Variants in CD2AP observed in about 807,000 individuals in gnomAD.
CD2AP encodes the protein CD2-associated protein.
In CD2AP, 46 loss-of-function variants were observed where a neutral mutation model predicts 85.1. That is an observed-to-expected ratio of 0.54 (90% CI 0.43 to 0.69). The LOEUF is 0.69. CD2AP is among the 30% of genes least tolerant of loss of function. The pLI is 0.00. For synonymous variants in CD2AP, 255 were observed against 252.9 expected (o/e 1.01, Z -0.08); for missense variants, 769 against 729.5 (o/e 1.05, Z -0.62).
chr6:47,584,822 CCTACCTGAAAAA>C (rs1407278520), intron 11 of CD2AP, among the ~76,000 whole-genome samples: 1 of 152,014 alleles, frequency 6.6e-6, no homozygotes, highest in Non-Finnish European at 1.5e-5. Flanking sequence ...TAATATCTGT[CCTACCTGAAAAA>C]CTCAGCTTAC....
At chr6:47,486,243 T>G (rs996994636) in intron 1 of CD2AP, among the ~76,000 whole-genome samples, 14 of 152,204 alleles carry the variant, frequency 9.2e-5, no homozygotes, top group African/African-American at 2.9e-4. Context: ...ATTGGGCATA[T>G]TATTAGAATC....
At chr6:47,545,166 A>T (rs934973523) in intron 4 of CD2AP, 2 of 171,208 alleles carry the variant, frequency 1.2e-5, no homozygotes, top group African/African-American at 4.8e-5. Flanking sequence ...AGGAGGCAGG[A>T]CTAGACTGCA....
chr6:47,537,438 C>T (rs7753305), intron 3 of CD2AP, among the ~76,000 whole-genome samples: 19 of 151,814 alleles, frequency 1.3e-4, no homozygotes, highest in Non-Finnish European at 2.4e-4. Flanking sequence ...ACAGGGTAGG[C>T]TGTTCTAACT....
intron 4 of CD2AP, among the ~76,000 whole-genome samples, chr6:47,550,963 G>A (rs1427097834): frequency 2.0e-5 from 3 of 152,276 alleles, no homozygotes; most frequent in African/African-American, 4.8e-5. Context: ...GTTCTCACTT[G>A]TAAGTGGGAG....
chr6:47,620,032 G>A (rs946338911), intron 17 of CD2AP, among the ~76,000 whole-genome samples: 3 of 152,174 alleles, frequency 2.0e-5, no homozygotes, highest in African/African-American at 7.2e-5. Flanking sequence ...TTACTCTGTT[G>A]ACTGTTCCAT....
At chr6:47,624,069 G>C (rs755315195) in intron 17 of CD2AP, 117 bp from the exon 18 acceptor site, 2 of 830,996 alleles carry the variant, frequency 2.4e-6, no homozygotes, top group African/African-American at 1.7e-5. Context: ...TGGATTTTAG[G>C]TCTGGAAAAA....
At chr6:47,611,339 A>T (rs1156765656) in intron 16 of CD2AP, among the ~76,000 whole-genome samples, 1 of 150,424 alleles carries the variant, frequency 6.6e-6, no homozygotes, top group African/African-American at 2.4e-5. Flanking sequence ...TAGAACAACA[A>T]ATAAATAATA....
chr6:47,525,614 T>G (rs1766700540), intron 2 of CD2AP, among the ~76,000 whole-genome samples: 1 of 152,180 alleles, frequency 6.6e-6, no homozygotes, highest in African/African-American at 2.4e-5. Flanking sequence ...TTTGTGAATT[T>G]TGTTGATTAT....
chr6:47,481,801 C>A (rs183052931), intron 1 of CD2AP, among the ~76,000 whole-genome samples: 4 of 152,244 alleles, frequency 2.6e-5, no homozygotes, highest in African/African-American at 9.6e-5. Context: ...TTTTTAGAGA[C>A]AAGGTCTTGC....
At chr6:47,600,432 T>C (rs1445494555) in intron 13 of CD2AP, among the ~76,000 whole-genome samples, 2 of 151,910 alleles carry the variant, frequency 1.3e-5, no homozygotes, top group Non-Finnish European at 2.9e-5. Flanking sequence ...CATTTCAGGG[T>C]TTTTCAGGTG....
intron 1 of CD2AP, among the ~76,000 whole-genome samples, chr6:47,479,066 C>T (rs1464363204): frequency 6.6e-6 from 1 of 152,098 alleles, no homozygotes; most frequent in Non-Finnish European, 1.5e-5. Flanking sequence ...TAACAAAGTT[C>T]GGTGTGGGCT....
At chr6:47,545,468 A>T (rs7767939) in intron 4 of CD2AP, among the ~76,000 whole-genome samples, 3 of 152,010 alleles carry the variant, frequency 2.0e-5, no homozygotes, top group Non-Finnish European at 2.9e-5. Context: ...TCTAAGGCCC[A>T]GCCTATCACC....
At chr6:47,573,318 C>G (rs1015319049) in intron 5 of CD2AP, among the ~76,000 whole-genome samples, 1 of 151,982 alleles carries the variant, frequency 6.6e-6, no homozygotes, top group Non-Finnish European at 1.5e-5. Flanking sequence ...GAACTATTGA[C>G]CTTTTTAAAA....
chr6:47,615,726 G>A (rs536610703), intron 17 of CD2AP, among the ~76,000 whole-genome samples: 4 of 151,830 alleles, frequency 2.6e-5, no homozygotes, highest in Admixed American at 1.3e-4. Flanking sequence ...GATGCAAATC[G>A]TATCAATGAT....
intron 5 of CD2AP, among the ~76,000 whole-genome samples, chr6:47,564,582 G>A (rs1767943301): frequency 6.6e-6 from 1 of 151,968 alleles, no homozygotes; most frequent in Non-Finnish European, 1.5e-5. Context: ...TCTAAATGTG[G>A]AGCTTTGTGA....
chr6:47,585,582 G>T (rs1768604253), intron 11 of CD2AP, among the ~76,000 whole-genome samples: 1 of 152,196 alleles, frequency 6.6e-6, no homozygotes, highest in African/African-American at 2.4e-5. Context: ...CTACAGAGTT[G>T]AGGATGCAGA....
At chr6:47,603,885 T>G (rs540931480) in intron 13 of CD2AP, among the ~76,000 whole-genome samples, 1 of 152,116 alleles carries the variant, frequency 6.6e-6, no homozygotes, top group East Asian at 1.9e-4. Context: ...TATAAATAGG[T>G]GGTGCACATT....
At chr6:47,547,375 G>C (rs1444329940) in intron 4 of CD2AP, among the ~76,000 whole-genome samples, 1 of 152,078 alleles carries the variant, frequency 6.6e-6, no homozygotes, top group Non-Finnish European at 1.5e-5. Context: ...AGCAGGAGTA[G>C]CTATGCTTAT....
At chr6:47,499,590 C>T (rs1365788954) in intron 1 of CD2AP, among the ~76,000 whole-genome samples, 1 of 152,108 alleles carries the variant, frequency 6.6e-6, no homozygotes, top group Admixed American at 6.5e-5. Flanking sequence ...TTACTCCCCA[C>T]CCTTACTTAC....
Sources: allele counts gnomAD v4.1 joint callset (sites outside exome capture counted in the v4.1 genomes callset), GRCh38; gene constraint gnomAD v4.1.1; transcripts MANE v1.5; gene names NCBI Gene and HGNC (gene_info 2026-07-23, HGNC 2026-07-21).